Variants in KIF13B observed in about 807,000 individuals in gnomAD.
The protein encoded by KIF13B is kinesin-like protein KIF13B.
In KIF13B, 127 loss-of-function variants were observed where a neutral mutation model predicts 222.0. The observed-to-expected ratio is 0.57, with a 90% confidence interval of 0.50 to 0.66. KIF13B has a LOEUF of 0.66. Ranked by LOEUF, KIF13B falls within the 30% of genes least tolerant of loss-of-function variation. The probability of loss-of-function intolerance (pLI) is 0.00; values close to 1 mark genes in which losing one functional copy is unlikely to be tolerated. For missense variants in KIF13B, 2,173 were observed against 2,379.0 expected (o/e 0.91, Z 1.80); for synonymous variants, 976 against 919.0 (o/e 1.06, Z -1.12).
intron 2 of KIF13B, among the ~76,000 whole-genome samples, chr8:29,243,843 C>A (rs1394581084): frequency 6.6e-6 from 1 of 152,034 alleles, no homozygotes; most frequent in Non-Finnish European, 1.5e-5. Context: ...AATAAACCTG[C>A]CCATGTACAG....
At position 29,127,272 on chromosome 8, in the gene KIF13B, G is replaced by A; in HGVS notation, c.3076-4C>T. 1 of 1,612,314 alleles carries A rather than the reference G, an allele frequency of 6.2e-7. No homozygotes were observed. The highest frequency in any genetic ancestry group is 8.5e-7 in the Non-Finnish European group (1 of 1,179,080). On this transcript the variant is annotated splice_region_variant and splice_polypyrimidine_tract_variant and intron_variant, in intron 24 of 39. Coordinates refer to ENST00000524189, the MANE Select transcript of KIF13B (RefSeq NM_015254.4). ...CTTGAACTCTCCGGGACTGCCCCTG[G>A]GTCACAGACAATTTAGAGTCTTAAA...
intron 35 of KIF13B, among the ~76,000 whole-genome samples, chr8:29,103,893 T>C (rs1316263847): frequency 6.6e-6 from 1 of 152,198 alleles, no homozygotes; most frequent in African/African-American, 2.4e-5. Flanking sequence ...TCACAGTTAC[T>C]TGCCTAATAC....
At chr8:29,176,341 A>G (rs1391080327) in intron 9 of KIF13B, among the ~76,000 whole-genome samples, 162 bp from the exon 10 acceptor site, 1 of 152,224 alleles carries the variant, frequency 6.6e-6, no homozygotes, top group East Asian at 1.9e-4. Context: ...CAAAATAGTT[A>G]TTTTCCCCCA....
intron 31 of KIF13B, 54 bp from the exon 32 acceptor site, chr8:29,113,609 C>T: frequency 9.3e-7 from 1 of 1,073,134 alleles, no homozygotes; most frequent in Non-Finnish European, 1.4e-6. Context: ...ACTGAGTTTA[C>T]ATTAACAAAA....
At chr8:29,205,392 G>A (rs575122125) in intron 2 of KIF13B, among the ~76,000 whole-genome samples, 7 of 151,950 alleles carry the variant, frequency 4.6e-5, no homozygotes, top group Admixed American at 1.3e-4. Context: ...CTCCTACTAG[G>A]CCCCTGCAGT....
intron 21 of KIF13B, among the ~76,000 whole-genome samples, chr8:29,139,043 G>T (rs1029947488): frequency 1.3e-5 from 2 of 152,160 alleles, no homozygotes; most frequent in Non-Finnish European, 2.9e-5. Flanking sequence ...TGCTAAGGGA[G>T]GGGGGCAGCA....
At chr8:29,159,312 G>A (rs1811669004) in intron 13 of KIF13B, among the ~76,000 whole-genome samples, 1 of 151,994 alleles carries the variant, frequency 6.6e-6, no homozygotes, top group Non-Finnish European at 1.5e-5. Flanking sequence ...CACCACCCCG[G>A]CTAATTTTTA....
At chr8:29,198,195 T>C (rs1813526245) in intron 2 of KIF13B, among the ~76,000 whole-genome samples, 1 of 152,228 alleles carries the variant, frequency 6.6e-6, no homozygotes, top group Admixed American at 6.5e-5. Flanking sequence ...AAGAAAATAA[T>C]TTCTCTGGAA....
At chr8:29,074,465 T>G (rs953084245) in intron 38 of KIF13B, among the ~76,000 whole-genome samples, 1 of 152,240 alleles carries the variant, frequency 6.6e-6, no homozygotes, top group African/African-American at 2.4e-5. Context: ...CCCTTGCCAC[T>G]GAAGAAGACA....
At chr8:29,195,439 A>G (rs1239376435) in intron 3 of KIF13B, among the ~76,000 whole-genome samples, 1 of 152,154 alleles carries the variant, frequency 6.6e-6, no homozygotes. Flanking sequence ...TAATAAATAA[A>G]TGATCTTAAA....
At chr8:29,169,281 A>T (rs1174819127) in intron 10 of KIF13B, among the ~76,000 whole-genome samples, 1 of 152,158 alleles carries the variant, frequency 6.6e-6, no homozygotes, top group Non-Finnish European at 1.5e-5. Context: ...CGGACAATGG[A>T]GGTTAAATCT....
intron 37 of KIF13B, among the ~76,000 whole-genome samples, chr8:29,081,442 G>A (rs1807804997): frequency 6.6e-6 from 1 of 152,188 alleles, no homozygotes. Flanking sequence ...GTTTAGAACA[G>A]CCTCGGCATG....
chr8:29,175,378 G>T (rs1183162037), intron 10 of KIF13B, among the ~76,000 whole-genome samples: 1 of 152,144 alleles, frequency 6.6e-6, no homozygotes, highest in Non-Finnish European at 1.5e-5. Flanking sequence ...AATATTGTGT[G>T]TGCACATCTT....
intron 2 of KIF13B, among the ~76,000 whole-genome samples, chr8:29,221,097 C>CTTTTT (rs60915605): frequency 1.5e-4 from 17 of 112,754 alleles, no homozygotes; most frequent in African/African-American, 3.5e-4. Flanking sequence ...GAGCTGTGTT[C>CTTTTT]TTTTTTTTTT....
In KIF13B at chr8:29,124,033, T is replaced by C; in HGVS notation, c.3343A>G (p.Ser1115Gly). Residue 1115 changes from serine (S) to glycine (G), a missense_variant, in exon 27 of 40, where the codon AGT (serine) becomes GGT (glycine). This residue lies in a region of KIF13B where 1,480 missense variants were observed against 1,722.8 expected (regional missense o/e 0.86). Transcript: ENST00000524189. ...TATTTGTTTTTCCTACCACGTTTACTGACAAGCTTTTGCAATTGTTGATCC... is the reference window on the plus strand; with the variant it reads ...TATTTGTTTTTCCTACCACGTTTACCGACAAGCTTTTGCAATTGTTGATCC... ...YLDQQLQKLV[S>G]KRDKTEDDAD... is the part of the protein sequence containing the mutation. The C allele has an allele frequency of 6.2e-7, 1 of 1,602,836 alleles. No homozygotes were observed. Among genetic ancestry groups the C allele is most frequent in the East Asian group, 2.2e-5 (1 of 44,828 alleles).
chr8:29,139,559 A>C (rs1257123580), intron 21 of KIF13B, among the ~76,000 whole-genome samples: 3 of 152,228 alleles, frequency 2.0e-5, no homozygotes, highest in African/African-American at 7.2e-5. Flanking sequence ...CAACTCCAAC[A>C]GCTCCAGCTT....
At chr8:29,138,418 T>C (rs1162296983) in intron 21 of KIF13B, 1 of 151,724 alleles carries the variant, frequency 6.6e-6, no homozygotes, top group African/African-American at 2.4e-5. Flanking sequence ...ATTATCTCTG[T>C]AGAGCAAAAC....
At position 29,147,416 on chromosome 8, in the gene KIF13B, C is replaced by CGTTGCTGA. The variant is rs1563740179; in HGVS notation, c.1992_1999dup (p.Arg667LeufsTer5). The CGTTGCTGA allele has an allele frequency of 6.2e-7, 1 of 1,608,062 alleles. No individual in the cohort carries two copies. The highest frequency in any genetic ancestry group is 2.2e-5 in the East Asian group (1 of 44,710). On this transcript the variant is annotated frameshift_variant, in exon 17 of 40. Coordinates refer to ENST00000524189, the MANE Select transcript of KIF13B (RefSeq NM_015254.4). LOFTEE classifies it high-confidence loss of function. ...CCTCTCCTCAGCCCACTGTCTTAAG[C>CGTTGCTGA]GTTGCTGAGCGCTGGGCGAGTGGAA...
intron 35 of KIF13B, among the ~76,000 whole-genome samples, chr8:29,105,651 T>TTTTTTC (rs1809025462): frequency 8.8e-5 from 1 of 11,332 alleles, no homozygotes; most frequent in Non-Finnish European, 4.3e-4. Flanking sequence ...GTTTGTTTGG[T>TTTTTTC]TTTTTTTTTT....
Sources: allele counts gnomAD v4.1 joint callset (sites outside exome capture counted in the v4.1 genomes callset), GRCh38; gene constraint gnomAD v4.1.1; regional missense constraint gnomAD v4.1.1; transcripts MANE v1.5; gene names NCBI Gene and HGNC (gene_info 2026-07-23, HGNC 2026-07-21).